Variants in GRXCR1 observed in about 807,000 individuals in gnomAD.
GRXCR1 encodes the protein glutaredoxin and cysteine rich domain containing 1, also known as glutaredoxin domain-containing cysteine-rich protein 1.
GRXCR1 carries 27 observed loss-of-function variants against 27.3 expected under a neutral mutation model. The ratio of observed to expected loss-of-function variants is 0.99; its 90% CI spans 0.73 to 1.37. GRXCR1 has a LOEUF of 1.37. GRXCR1 is among the 40% of genes most tolerant of loss of function. GRXCR1 has a pLI of 0.00. For synonymous variants in GRXCR1, 122 were observed against 131.1 expected (o/e 0.93, Z 0.47); for missense variants, 379 against 354.4 (o/e 1.07, Z -0.56).
chr4:42,893,770 G>T, intron 1 of GRXCR1, 120 bp downstream of exon 1: 1 of 934,254 alleles, frequency 1.1e-6, no homozygotes, highest in East Asian at 2.4e-5. Context: ...TTCATGAGAC[G>T]CTCCTCCACC....
In GRXCR1 at chr4:43,017,959, T is replaced by G. The variant is rs114780056; in HGVS notation, c.628-2395T>G. Reference sequence around the variant, plus strand: ...GCAGATTGAGATTTACCCCGATAAATGCTCCAAACCTCAGCATGGGAGTGA... The same window carrying G: ...GCAGATTGAGATTTACCCCGATAAAGGCTCCAAACCTCAGCATGGGAGTGA... On this transcript the variant is annotated intron_variant, in intron 2 of 3. Coordinates refer to ENST00000399770, the MANE Select transcript of GRXCR1 (RefSeq NM_001080476.3). Among the ~76,000 whole-genome samples the G allele has an allele frequency of 5.1e-3, 778 of 152,304 alleles. 13 individuals carry two copies. The highest frequency in any genetic ancestry group is 0.015 in the African/African-American group (638 of 41,568).
intron 1 of GRXCR1, among the ~76,000 whole-genome samples, chr4:42,894,741 G>A (rs999378569): frequency 4.5e-4 from 68 of 152,152 alleles, no homozygotes; most frequent in African/African-American, 1.3e-3. Flanking sequence ...TTTACATATT[G>A]GGGTGAGGTT....
chr4:42,943,568 A>C (rs1747673110), intron 1 of GRXCR1, among the ~76,000 whole-genome samples: 1 of 152,110 alleles, frequency 6.6e-6, no homozygotes, highest in Non-Finnish European at 1.5e-5. Flanking sequence ...AGGTTAAGGT[A>C]ACAGGCAGGG....
At chr4:42,921,030 A>G (rs1577906056) in intron 1 of GRXCR1, among the ~76,000 whole-genome samples, 1 of 152,076 alleles carries the variant, frequency 6.6e-6, no homozygotes, top group East Asian at 1.9e-4. Flanking sequence ...TTACTCTGCA[A>G]TGGTCTGAAT....
chr4:42,952,579 T>C (rs569675257), intron 1 of GRXCR1, among the ~76,000 whole-genome samples: 1 of 152,040 alleles, frequency 6.6e-6, no homozygotes, highest in Admixed American at 6.6e-5. Flanking sequence ...AAATAAGAAA[T>C]AAAAGAATTA....
At chr4:42,945,547 A>T (rs2109765477) in intron 1 of GRXCR1, among the ~76,000 whole-genome samples, 1 of 152,204 alleles carries the variant, frequency 6.6e-6, no homozygotes, top group Admixed American at 6.5e-5. Context: ...AGAGAGAAAG[A>T]TGCTTTCTCC....
intron 2 of GRXCR1, among the ~76,000 whole-genome samples, chr4:42,983,725 G>A (rs995341005): frequency 2.0e-5 from 3 of 151,742 alleles, no homozygotes; most frequent in Admixed American, 6.6e-5. Context: ...CTATTTTAAT[G>A]CTCTGCCATA....
At chr4:42,894,067 T>C (rs1368850136) in intron 1 of GRXCR1, among the ~76,000 whole-genome samples, 1 of 152,148 alleles carries the variant, frequency 6.6e-6, no homozygotes, top group Non-Finnish European at 1.5e-5. Flanking sequence ...AAATGTTGAG[T>C]GCATGAATTC....
intron 2 of GRXCR1, among the ~76,000 whole-genome samples, chr4:42,993,237 T>C (rs1447140405): frequency 1.3e-5 from 2 of 152,144 alleles, no homozygotes; most frequent in Non-Finnish European, 2.9e-5. Context: ...TTCACATCTA[T>C]AACATCTGAA....
chr4:42,950,201 C>T (rs1747849175), intron 1 of GRXCR1, among the ~76,000 whole-genome samples: 1 of 152,074 alleles, frequency 6.6e-6, no homozygotes, highest in Non-Finnish European at 1.5e-5. Flanking sequence ...AAGGGTGTTA[C>T]GAAAATGGTT....
intron 3 of GRXCR1, 72 bp from the exon 4 acceptor site, chr4:43,030,289 C>T: frequency 7.2e-7 from 1 of 1,396,244 alleles, no homozygotes; most frequent in Admixed American, 1.7e-5. Context: ...TTCAGAAAGA[C>T]CGGGAGGCTG....
In GRXCR1 at chr4:42,939,356, C is replaced by A. The variant is rs554342598; in HGVS notation, c.385-23536C>A. Among the ~76,000 whole-genome samples, 77 of 152,004 alleles carry A rather than the reference C, an allele frequency of 5.1e-4. 1 individual carries two copies. Among genetic ancestry groups the A allele is most frequent in the African/African-American group, 1.8e-3 (74 of 41,480 alleles). ...ATGAATTTTGTACGTTGATTTTTAT[C>A]CTGCAAGTTTACTGAATTTGTTTAT... On this transcript the variant is annotated intron_variant, in intron 1 of 3. Coordinates refer to ENST00000399770, the MANE Select transcript of GRXCR1 (RefSeq NM_001080476.3).
chr4:42,987,277 T>TATATATATATAGAGAG (rs1553943958), intron 2 of GRXCR1, among the ~76,000 whole-genome samples: 1 of 104,272 alleles, frequency 9.6e-6, no homozygotes, highest in Non-Finnish European at 1.9e-5. Context: ...TATATATATA[T>TATATATATATAGAGAG]AGAGAGAGAG....
intron 2 of GRXCR1, among the ~76,000 whole-genome samples, chr4:42,976,393 AT>A (rs1277709566): frequency 6.6e-6 from 1 of 152,044 alleles, no homozygotes; most frequent in East Asian, 1.9e-4. Flanking sequence ...ATCTTTAAAG[AT>A]TTTTCTGTAT....
intron 1 of GRXCR1, among the ~76,000 whole-genome samples, chr4:42,954,109 A>G (rs887949406): frequency 1.3e-5 from 2 of 152,274 alleles, no homozygotes; most frequent in Admixed American, 6.5e-5. Context: ...AATGAAAAAA[A>G]CTAAGTCCTT....
At chr4:42,905,380 G>T (rs558712960) in intron 1 of GRXCR1, among the ~76,000 whole-genome samples, 133 of 152,264 alleles carry the variant, frequency 8.7e-4, no homozygotes, top group African/African-American at 3.2e-3. Context: ...TGCCTGGATT[G>T]ATTTTTAATA....
chr4:43,027,578 G>T (rs556299381), intron 3 of GRXCR1, among the ~76,000 whole-genome samples: 1 of 152,212 alleles, frequency 6.6e-6, no homozygotes, highest in Non-Finnish European at 1.5e-5. Flanking sequence ...GGTGTCTGAA[G>T]TGCCACACAT....
intron 1 of GRXCR1, among the ~76,000 whole-genome samples, chr4:42,944,940 T>A (rs1747707250): frequency 6.6e-6 from 1 of 152,182 alleles, no homozygotes; most frequent in Admixed American, 6.6e-5. Flanking sequence ...GGAGTCATGG[T>A]CTGAATGTTT....
intron 1 of GRXCR1, among the ~76,000 whole-genome samples, chr4:42,911,087 A>AT (rs1330263683): frequency 1.3e-5 from 2 of 152,118 alleles, no homozygotes; most frequent in East Asian, 1.9e-4. Flanking sequence ...GAGGGACTGT[A>AT]TTTTTTATTT....
Sources: allele counts gnomAD v4.1 joint callset (sites outside exome capture counted in the v4.1 genomes callset), GRCh38; gene constraint gnomAD v4.1.1; transcripts MANE v1.5; gene names NCBI Gene and HGNC (gene_info 2026-07-23, HGNC 2026-07-21).